Variants in DAB1 observed in about 807,000 individuals in gnomAD.
DAB1 encodes disabled homolog 1.
Under a neutral mutation model 64.6 loss-of-function variants are expected in DAB1, and 15 were observed. That is an observed-to-expected ratio of 0.23 (90% confidence interval 0.16 to 0.36). The LOEUF (loss-of-function observed/expected upper bound fraction) is 0.36, where lower values mean the gene tolerates loss of function less well. Among genes scored for constraint, DAB1 ranks in the 10% least tolerant of loss-of-function variants. The probability of loss-of-function intolerance (pLI) is 1.00; values close to 1 mark genes in which losing one functional copy is unlikely to be tolerated. For missense variants in DAB1, 596 were observed against 706.7 expected (o/e 0.84, Z 1.78); for synonymous variants, 235 against 251.9 (o/e 0.93, Z 0.64).
At chr1:58,211,840 T>C (rs1658567121) in intron 4 of DAB1, among the ~76,000 whole-genome samples, 1 of 152,280 alleles carries the variant, frequency 6.6e-6, no homozygotes, top group African/African-American at 2.4e-5. Flanking sequence ...CCAAAGTCAA[T>C]GCTCTTTACT....
At chr1:58,417,367 T>C (rs141525325) in intron 3 of DAB1, among the ~76,000 whole-genome samples, 2 of 152,368 alleles carry the variant, frequency 1.3e-5, no homozygotes, top group East Asian at 1.9e-4. Flanking sequence ...GCCTCTTGGA[T>C]GCCTGGTCTG....
intron 11 of DAB1, among the ~76,000 whole-genome samples, chr1:57,016,592 TA>T (rs569427918): frequency 0.026 from 3,631 of 138,186 alleles, 50 homozygotes; most frequent in South Asian, 0.045. Flanking sequence ...CACTTGTCTC[TA>T]AAAAAAAAAA....
At chr1:57,976,450 C>T (rs896989548) in intron 5 of DAB1, among the ~76,000 whole-genome samples, 1 of 152,158 alleles carries the variant, frequency 6.6e-6, no homozygotes, top group East Asian at 1.9e-4. Context: ...TGCAATGACA[C>T]CAAGCCTGTT....
intron 2 of DAB1, among the ~76,000 whole-genome samples, chr1:57,272,565 T>TCA (rs1296013739): frequency 3.3e-5 from 5 of 152,198 alleles, no homozygotes; most frequent in African/African-American, 1.2e-4. Context: ...ATGGGTCCTA[T>TCA]CACTCCTATC....
At chr1:58,347,716 A>G (rs989153267) in intron 3 of DAB1, among the ~76,000 whole-genome samples, 5 of 152,182 alleles carry the variant, frequency 3.3e-5, no homozygotes, top group Admixed American at 3.3e-4. Flanking sequence ...ACAACATTCC[A>G]AGGTTCTCTT....
rs1646794586 is a variant in DAB1, at chr1:58,020,067, C to T, written n.387+130444G>A. 2.0e-5 allele frequency among the ~76,000 whole-genome samples: 3 copies of T among 152,142 alleles called. No individual in the cohort carries two copies. In the South Asian group the frequency reaches 6.2e-4, roughly 32 times the overall value. On this transcript the variant is annotated intron_variant and non_coding_transcript_variant, in intron 5 of 20. Coordinates refer to the DAB1 transcript ENST00000485760. ...ATAACCTATTTCCCTCAACTACTAC[C>T]AGTGTTTTAATCTTTTGATGACCCT...
At chr1:57,121,964 C>G (rs962715740) in intron 4 of DAB1, among the ~76,000 whole-genome samples, 2 of 152,088 alleles carry the variant, frequency 1.3e-5, no homozygotes, top group African/African-American at 4.8e-5. Context: ...AGGCTGAGAT[C>G]ATTTTCATAG....
At chr1:57,061,412 T>C (rs189624754) in intron 9 of DAB1, among the ~76,000 whole-genome samples, 2 of 152,294 alleles carry the variant, frequency 1.3e-5, no homozygotes, top group East Asian at 3.9e-4. Context: ...AGCTCTCCTG[T>C]CCATCTCCCT....
At chr1:58,045,131 G>A (rs1258084297) in intron 5 of DAB1, among the ~76,000 whole-genome samples, 1 of 152,154 alleles carries the variant, frequency 6.6e-6, no homozygotes, top group African/African-American at 2.4e-5. Context: ...TTGTTGTTAG[G>A]AGCAGAATTT....
intron 7 of DAB1, among the ~76,000 whole-genome samples, chr1:57,624,731 C>CA (rs1180364336): frequency 6.6e-6 from 1 of 152,062 alleles, no homozygotes; most frequent in East Asian, 1.9e-4. Flanking sequence ...CATTTCTAAC[C>CA]AAAAAAACCT....
intron 2 of DAB1, among the ~76,000 whole-genome samples, chr1:57,172,083 C>A (rs189322725): frequency 1.3e-5 from 2 of 152,114 alleles, no homozygotes; most frequent in African/African-American, 2.4e-5. Context: ...GACACATTAT[C>A]CTGATCTCTG....
chr1:58,078,148 C>T (rs1649769420), intron 5 of DAB1: 1 of 152,234 alleles, frequency 6.6e-6, no homozygotes, highest in Admixed American at 6.5e-5. Flanking sequence ...CTCAAGCATT[C>T]CCTGCATCTT....
At chr1:57,934,615 C>T (rs1230784291) in intron 5 of DAB1, among the ~76,000 whole-genome samples, 1 of 152,152 alleles carries the variant, frequency 6.6e-6, no homozygotes, top group Non-Finnish European at 1.5e-5. Context: ...CTCTAAAACT[C>T]TGTTGTCCAG....
At chr1:58,392,881 T>C (rs1644487684) in intron 3 of DAB1, among the ~76,000 whole-genome samples, 1 of 152,200 alleles carries the variant, frequency 6.6e-6, no homozygotes, top group Non-Finnish European at 1.5e-5. Flanking sequence ...CTTCTTTGGC[T>C]TCTATGACTC....
intron 1 of DAB1, among the ~76,000 whole-genome samples, chr1:57,419,568 G>A (rs1013240324): frequency 3.3e-5 from 5 of 151,552 alleles, no homozygotes; most frequent in African/African-American, 1.2e-4. Context: ...GATACTATTG[G>A]GATACATAAC....
chr1:57,423,315 G>A (rs920725764), intron 1 of DAB1, among the ~76,000 whole-genome samples: 1 of 151,990 alleles, frequency 6.6e-6, no homozygotes, highest in Non-Finnish European at 1.5e-5. Flanking sequence ...AGTCCACAGA[G>A]GATCCGAAGA....
intron 5 of DAB1, among the ~76,000 whole-genome samples, chr1:57,893,677 G>A (rs1326382871): frequency 6.6e-6 from 1 of 152,180 alleles, no homozygotes; most frequent in Non-Finnish European, 1.5e-5. Context: ...GTAGCAAGTA[G>A]CTAGTCAGAC....
chr1:57,651,493 A>C (rs11207085), intron 6 of DAB1, among the ~76,000 whole-genome samples: 6,373 of 152,254 alleles, frequency 0.042, 424 homozygotes, highest in African/African-American at 0.14. Context: ...TATAGCCAGG[A>C]TATTAATATA....
chr1:57,439,433 T>TTTTTTTTTTTTTTTTTTTTTTTTTTG (rs1296787826), intron 7 of DAB1, among the ~76,000 whole-genome samples: 1 of 131,926 alleles, frequency 7.6e-6, no homozygotes, highest in Non-Finnish European at 1.6e-5. Context: ...TTCTTTTTTT[T>TTTTTTTTTTTTTTTTTTTTTTTTTTG]TTTTTTTTTT....
Sources: allele counts gnomAD v4.1 joint callset (sites outside exome capture counted in the v4.1 genomes callset), GRCh38; gene constraint gnomAD v4.1.1; transcripts MANE v1.5; gene names NCBI Gene and HGNC (gene_info 2026-07-23, HGNC 2026-07-21).